Variants in RGS6 observed in about 807,000 individuals in gnomAD.
RGS6 encodes the protein regulator of G protein signaling 6.
RGS6 carries 30 observed loss-of-function variants against 78.5 expected under a neutral mutation model. The observed-to-expected ratio is 0.38, with a 90% CI of 0.29 to 0.52. The LOEUF is 0.52. Among genes scored for constraint, RGS6 ranks in the 20% least tolerant of loss-of-function variants. The pLI, the probability that RGS6 is intolerant of heterozygous loss-of-function variation, is 0.85. For missense variants in RGS6, 495 were observed against 609.7 expected (o/e 0.81, Z 1.98); for synonymous variants, 206 against 206.0 (o/e 1.00, Z 0.00).
intron 1 of RGS6, among the ~76,000 whole-genome samples, chr14:71,934,014 TCATAGGCAAATAGGTAATTA>T (rs1369611774): frequency 6.6e-6 from 1 of 152,218 alleles, no homozygotes; most frequent in East Asian, 1.9e-4. Flanking sequence ...ATATCAATTT[TCATAGGCAAATAGGTAATTA>T]CATAGAGTGG....
chr14:72,418,459 G>T (rs368469680), intron 3 of RGS6, among the ~76,000 whole-genome samples: 3 of 152,090 alleles, frequency 2.0e-5, no homozygotes, highest in Non-Finnish European at 2.9e-5. Flanking sequence ...GAGCCACCGC[G>T]CCCGGCCCGC....
chr14:72,612,047 C>T, the RGS6 span, among the ~76,000 whole-genome samples: 4 of 152,156 alleles, frequency 2.6e-5, no homozygotes, highest in Non-Finnish European at 5.9e-5. Context: ...ACAGTCGATG[C>T]CCTGCCAAGG....
At chr14:72,249,794 T>G (rs1196456590) in intron 2 of RGS6, among the ~76,000 whole-genome samples, 1 of 152,018 alleles carries the variant, frequency 6.6e-6, no homozygotes, top group African/African-American at 2.4e-5. Context: ...TGCACACGTA[T>G]GTTTATTGCG....
chr14:71,868,176 A>T, the RGS6 span, among the ~76,000 whole-genome samples: 1 of 152,134 alleles, frequency 6.6e-6, no homozygotes, highest in Non-Finnish European at 1.5e-5. Context: ...GGGAGAGTTG[A>T]CTGTGTCCCG....
intron 2 of RGS6, among the ~76,000 whole-genome samples, chr14:72,265,614 C>A (rs182542477): frequency 7.9e-4 from 121 of 152,312 alleles, no homozygotes; most frequent in Non-Finnish European, 1.6e-3. Context: ...TAACTACTGA[C>A]GGCTACCCAA....
intron 2 of RGS6, among the ~76,000 whole-genome samples, chr14:72,057,313 GAA>G (rs71109718): frequency 1.8e-3 from 99 of 56,158 alleles, no homozygotes; most frequent in African/African-American, 6.0e-3. Flanking sequence ...GACTCTATCT[GAA>G]AAAAAAAAAA....
chr14:71,926,457 G>A, the RGS6 span, among the ~76,000 whole-genome samples: 2 of 152,042 alleles, frequency 1.3e-5, no homozygotes, highest in Non-Finnish European at 2.9e-5. Context: ...GGTGGTGCAT[G>A]CCTGTAATCC....
chr14:71,896,687 T>A, the RGS6 span, among the ~76,000 whole-genome samples: 1 of 152,190 alleles, frequency 6.6e-6, no homozygotes, highest in African/African-American at 2.4e-5. Context: ...ACTCTTGAAC[T>A]CATTGAAGTC....
At chr14:72,248,853 G>C (rs2054900413) in intron 2 of RGS6, among the ~76,000 whole-genome samples, 1 of 152,202 alleles carries the variant, frequency 6.6e-6, no homozygotes, top group South Asian at 2.1e-4. Flanking sequence ...AGAGTTATGA[G>C]CACTGCTCCA....
intron 2 of RGS6, among the ~76,000 whole-genome samples, chr14:72,261,301 C>T (rs567293392): frequency 5.5e-4 from 83 of 152,084 alleles, no homozygotes; most frequent in Middle Eastern, 6.8e-3. Flanking sequence ...AGAAGAGCTA[C>T]GGCACAGAGT....
At chr14:72,446,674 T>C in intron 3 of RGS6, among the ~76,000 whole-genome samples, 1 of 152,256 alleles carries the variant, frequency 6.6e-6, no homozygotes, top group East Asian at 1.9e-4. Context: ...GAAATAATTA[T>C]ACAACTCACC....
At chr14:72,514,850 G>A (rs1205467853) in intron 14 of RGS6, among the ~76,000 whole-genome samples, 1 of 152,160 alleles carries the variant, frequency 6.6e-6, no homozygotes, top group Non-Finnish European at 1.5e-5. Flanking sequence ...TTTTATAAGA[G>A]CAGAAGCTTC....
At chr14:72,606,719 G>A in the RGS6 span, among the ~76,000 whole-genome samples, 2 of 152,246 alleles carry the variant, frequency 1.3e-5, no homozygotes, top group Admixed American at 6.5e-5. Flanking sequence ...CAGTGTTGGA[G>A]GTGGGGCCTA....
chr14:72,263,757 G>C (rs1309673421), intron 2 of RGS6, among the ~76,000 whole-genome samples: 1 of 152,164 alleles, frequency 6.6e-6, no homozygotes, highest in Non-Finnish European at 1.5e-5. Context: ...CCAGCATCTT[G>C]ATCTTGGACT....
chr14:72,571,136 T>C (rs2097719770), downstream of RGS6, among the ~76,000 whole-genome samples: 1 of 152,228 alleles, frequency 6.6e-6, no homozygotes, highest in African/African-American at 2.4e-5. Context: ...ATTATTAGAA[T>C]TGAAAATTCC....
At chr14:71,875,265 A>T in the RGS6 span, among the ~76,000 whole-genome samples, 1 of 151,832 alleles carries the variant, frequency 6.6e-6, no homozygotes, top group Middle Eastern at 3.2e-3. Flanking sequence ...CTGTGAATCC[A>T]TCTGGTCCTG....
At chr14:72,107,363 G>C (rs1045326860) in intron 2 of RGS6, among the ~76,000 whole-genome samples, 2 of 152,046 alleles carry the variant, frequency 1.3e-5, no homozygotes, top group Non-Finnish European at 2.9e-5. Flanking sequence ...TCTTCAACTT[G>C]GCTCTTGATT....
At chr14:72,059,915 G>A (rs1465800715) in intron 2 of RGS6, among the ~76,000 whole-genome samples, 1 of 152,188 alleles carries the variant, frequency 6.6e-6, no homozygotes, top group African/African-American at 2.4e-5. Flanking sequence ...AAGCCCCTCA[G>A]TCTGTGATAT....
At chr14:72,425,517 A>G (rs776050403) in intron 3 of RGS6, among the ~76,000 whole-genome samples, 4 of 152,248 alleles carry the variant, frequency 2.6e-5, no homozygotes, top group Admixed American at 6.5e-5. Flanking sequence ...GTTAATCAGT[A>G]TACAAATATT....
Sources: allele counts gnomAD v4.1 joint callset (sites outside exome capture counted in the v4.1 genomes callset), GRCh38; gene constraint gnomAD v4.1.1; transcripts MANE v1.5; gene names NCBI Gene and HGNC (gene_info 2026-07-23, HGNC 2026-07-21).